The following BRMS1L variants were observed in gnomAD, a reference collection of about 807,000 sequenced individuals.
The protein encoded by BRMS1L is breast cancer metastasis-suppressor 1-like protein.
BRMS1L carries 23 observed loss-of-function variants against 50.3 expected under a neutral mutation model. The ratio of observed to expected loss-of-function variants is 0.46; its 90% CI spans 0.33 to 0.65. BRMS1L has a LOEUF of 0.65. Ranked by LOEUF, BRMS1L falls within the 30% of genes least tolerant of loss-of-function variation. BRMS1L has a pLI of 0.02. For synonymous variants in BRMS1L, 114 were observed against 126.9 expected (o/e 0.90, Z 0.69); for missense variants, 286 against 386.1 (o/e 0.74, Z 2.17).
chr14:35,857,494 A>AT (rs993171784), intron 4 of BRMS1L, among the ~76,000 whole-genome samples: 5 of 151,334 alleles, frequency 3.3e-5, no homozygotes, highest in Non-Finnish European at 5.9e-5. Flanking sequence ...TTAAAAAAAA[A>AT]TTTTTTTATA....
intron 4 of BRMS1L, among the ~76,000 whole-genome samples, chr14:35,837,250 C>T (rs527412005): frequency 9.3e-5 from 14 of 150,224 alleles, no homozygotes; most frequent in South Asian, 4.2e-4. Flanking sequence ...AGCAAAACTC[C>T]GGCTCAAAAA....
rs1027065851 is a variant in BRMS1L, at chr14:35,833,336, G to A, written c.361+231G>A. Among the ~76,000 whole-genome samples, 3 of 150,672 alleles carry A rather than the reference G, an allele frequency of 2.0e-5. No homozygotes were observed. In the South Asian group the frequency reaches 6.3e-4, roughly 32 times the overall value. On this transcript the variant is annotated intron_variant, in intron 3 of 9. Coordinates refer to ENST00000216807, the MANE Select transcript of BRMS1L (RefSeq NM_032352.4). ...AAAAAGCCCTCAAGTTGTTTACAGT[G>A]TTGTTGAGAAGATAGTTCCACATTT...
intron 7 of BRMS1L, 63 bp downstream of exon 7, chr14:35,865,062 T>A: frequency 8.3e-7 from 1 of 1,208,764 alleles, no homozygotes. Context: ...AGATTCTATG[T>A]TTTTTTTGTT....
chr14:35,864,844 A>G, intron 6 of BRMS1L, 91 bp from the exon 7 acceptor site: 1 of 934,152 alleles, frequency 1.1e-6, no homozygotes, highest in Non-Finnish European at 1.7e-6. Context: ...TATGCTCATA[A>G]ATCATCGTTC....
intron 8 of BRMS1L, chr14:35,867,696 C>A: frequency 3.2e-6 from 1 of 311,810 alleles, no homozygotes; most frequent in Non-Finnish European, 5.7e-6. Flanking sequence ...CATTGTTTAG[C>A]TTTGTTTAGT....
intron 4 of BRMS1L, among the ~76,000 whole-genome samples, chr14:35,851,531 G>C (rs1394992088): frequency 6.6e-6 from 1 of 152,224 alleles, no homozygotes; most frequent in Non-Finnish European, 1.5e-5. Flanking sequence ...ACAGGAGAGA[G>C]AGAGGAAGGG....
chr14:35,858,172 T>C (rs1485739215), intron 4 of BRMS1L, among the ~76,000 whole-genome samples: 1 of 152,204 alleles, frequency 6.6e-6, no homozygotes, highest in Non-Finnish European at 1.5e-5. Flanking sequence ...CCCCCTCATA[T>C]TTGCTTCTTT....
At chr14:35,859,010 C>T (rs370669893) in intron 4 of BRMS1L, among the ~76,000 whole-genome samples, 1 of 150,440 alleles carries the variant, frequency 6.6e-6, no homozygotes, top group Non-Finnish European at 1.5e-5. Context: ...GGTGCAATCT[C>T]GGATCACTGC....
intron 4 of BRMS1L, among the ~76,000 whole-genome samples, chr14:35,836,806 T>C (rs1390290014): frequency 6.6e-6 from 1 of 152,084 alleles, no homozygotes; most frequent in East Asian, 1.9e-4. Context: ...CCCAGCACTT[T>C]AGGAGGCCGA....
intron 4 of BRMS1L, among the ~76,000 whole-genome samples, chr14:35,860,868 A>G (rs17103579): frequency 0.03 from 4,626 of 152,326 alleles, 190 homozygotes; most frequent in African/African-American, 0.088. Context: ...CAGTAAGTCT[A>G]GATGTGAAGA....
At chr14:35,865,115 C>T in intron 7 of BRMS1L, 116 bp downstream of exon 7, 5 of 718,412 alleles carry the variant, frequency 7.0e-6, no homozygotes, top group Non-Finnish European at 8.8e-6. Flanking sequence ...GCTTTTGCAA[C>T]ATTTTTCTAA....
At chr14:35,840,257 C>T (rs2078045851) in intron 4 of BRMS1L, among the ~76,000 whole-genome samples, 1 of 152,176 alleles carries the variant, frequency 6.6e-6, no homozygotes, top group South Asian at 2.1e-4. Context: ...TGATGTGCTG[C>T]TGGATTCGGT....
intron 4 of BRMS1L, among the ~76,000 whole-genome samples, chr14:35,840,202 G>T (rs1287133348): frequency 2.0e-5 from 3 of 152,182 alleles, no homozygotes; most frequent in Non-Finnish European, 2.9e-5. Flanking sequence ...AACCAGCCTT[G>T]CTTCCCAGGT....
chr14:35,869,912 T>A (rs2078467252), intron 9 of BRMS1L, among the ~76,000 whole-genome samples: 1 of 151,994 alleles, frequency 6.6e-6, no homozygotes, highest in African/African-American at 2.4e-5. Context: ...AAAGAATAGA[T>A]CTTTTTATGT....
At chr14:35,859,435 T>C (rs2078322155) in intron 4 of BRMS1L, among the ~76,000 whole-genome samples, 1 of 152,218 alleles carries the variant, frequency 6.6e-6, no homozygotes, top group Non-Finnish European at 1.5e-5. Flanking sequence ...TGTTCCATTA[T>C]CTTCTAGCTT....
At chr14:35,842,827 G>C (rs2078084391) in intron 4 of BRMS1L, among the ~76,000 whole-genome samples, 1 of 152,140 alleles carries the variant, frequency 6.6e-6, no homozygotes, top group Non-Finnish European at 1.5e-5. Context: ...TCAAACGTAG[G>C]TTTGGTCTTT....
At chr14:35,864,566 T>A (rs527239869) in intron 6 of BRMS1L, among the ~76,000 whole-genome samples, 351 of 152,316 alleles carry the variant, frequency 2.3e-3, no homozygotes, top group Middle Eastern at 3.4e-3. Context: ...GTATACTTTT[T>A]AAAAACATTT....
intron 4 of BRMS1L, among the ~76,000 whole-genome samples, chr14:35,855,167 C>G (rs577665099): frequency 9.2e-5 from 14 of 152,330 alleles, no homozygotes; most frequent in African/African-American, 3.4e-4. Context: ...TTGATACCAG[C>G]AGATTCCTTT....
intron 1 of BRMS1L, 101 bp downstream of exon 1, chr14:35,826,759 G>T: frequency 6.7e-7 from 1 of 1,500,614 alleles, no homozygotes; most frequent in Non-Finnish European, 8.9e-7. Flanking sequence ...AAGCGGGGCG[G>T]GGACAGAGGG....
Sources: allele counts gnomAD v4.1 joint callset (sites outside exome capture counted in the v4.1 genomes callset), GRCh38; gene constraint gnomAD v4.1.1; transcripts MANE v1.5; gene names NCBI Gene and HGNC (gene_info 2026-07-23, HGNC 2026-07-21).